RALYL: variants seen among roughly 807,000 people sequenced by gnomAD.
The protein encoded by RALYL is RALY RNA binding protein like.
RALYL carries 29 observed loss-of-function variants against 35.1 expected under a neutral mutation model. The ratio of observed to expected loss-of-function variants is 0.83; its 90% CI spans 0.61 to 1.13. The LOEUF is 1.13. Among genes scored for constraint, RALYL ranks in the 50% most tolerant of loss-of-function variants. The pLI, the probability that RALYL is intolerant of heterozygous loss-of-function variation, is 0.00. For missense variants in RALYL, 359 were observed against 360.4 expected, an observed-to-expected ratio of 1.00 and a Z score of 0.03; for synonymous variants, 120 against 127.6, an observed-to-expected ratio of 0.94 and a Z score of 0.40.
At chr8:84,825,620 C>A (rs1471011549) in intron 4 of RALYL, among the ~76,000 whole-genome samples, 4 of 152,134 alleles carry the variant, frequency 2.6e-5, no homozygotes, top group African/African-American at 9.7e-5. Context: ...ATAATCCCAG[C>A]AATTTGGAAG....
chr8:84,782,024 C>T (rs1157821843), intron 3 of RALYL, among the ~76,000 whole-genome samples: 1 of 84,018 alleles, frequency 1.2e-5, no homozygotes, highest in African/African-American at 5.8e-5. Context: ...ATGCTGTGCA[C>T]ACGCGCGCAC....
At position 84,748,695 on chromosome 8, in the gene RALYL, C is replaced by T. The variant is rs536794470; in HGVS notation, c.257-25884C>T. On this transcript the variant is annotated intron_variant, in intron 2 of 8. Coordinates refer to ENST00000521268, the MANE Select transcript of RALYL (RefSeq NM_173848.7). Reference sequence around the variant, plus strand: ...CTTCAAACTATGCTAATATTTAATCCTTGACCAGAACCTTGGAATCTTATA... The same window carrying T: ...CTTCAAACTATGCTAATATTTAATCTTTGACCAGAACCTTGGAATCTTATA... 1.9e-3 allele frequency among the ~76,000 whole-genome samples: 286 copies of T among 152,082 alleles called. 2 individuals are homozygous for T. The highest frequency in any genetic ancestry group is 6.3e-3 in the African/African-American group (263 of 41,516).
At chr8:84,285,943 C>T (rs188094618) in intron 1 of RALYL, among the ~76,000 whole-genome samples, 187 of 152,150 alleles carry the variant, frequency 1.2e-3, no homozygotes, top group African/African-American at 4.3e-3. Flanking sequence ...TGTTGATGGA[C>T]GCCTTAGGGA....
At chr8:84,247,668 TA>T (rs1003736151) in intron 1 of RALYL, among the ~76,000 whole-genome samples, 3 of 152,182 alleles carry the variant, frequency 2.0e-5, no homozygotes, top group African/African-American at 7.2e-5. Context: ...AATTCTATTC[TA>T]AAAAGAATTT....
At chr8:84,697,160 T>C (rs1475435466) in intron 2 of RALYL, among the ~76,000 whole-genome samples, 1 of 151,960 alleles carries the variant, frequency 6.6e-6, no homozygotes. Context: ...TTGGAAATAA[T>C]TAGAAATTTT....
At chr8:84,306,616 G>C (rs1020541469) in intron 1 of RALYL, among the ~76,000 whole-genome samples, 14 of 152,108 alleles carry the variant, frequency 9.2e-5, no homozygotes, top group Non-Finnish European at 4.4e-5. Flanking sequence ...ACTCATGCAT[G>C]GACACAAATG....
intron 2 of RALYL, among the ~76,000 whole-genome samples, chr8:84,548,162 C>CT (rs1454571912): frequency 1.5e-4 from 22 of 151,312 alleles, no homozygotes; most frequent in African/African-American, 4.9e-4. Context: ...TTCTCAAATC[C>CT]TTTTTATCTT....
intron 1 of RALYL, among the ~76,000 whole-genome samples, chr8:84,437,216 T>A (rs2047832978): frequency 6.6e-6 from 1 of 152,176 alleles, no homozygotes; most frequent in Non-Finnish European, 1.5e-5. Context: ...TTTTTATAGC[T>A]GTGTAGCATT....
At chr8:84,812,614 T>G (rs1481269363) in intron 4 of RALYL, among the ~76,000 whole-genome samples, 5 of 152,016 alleles carry the variant, frequency 3.3e-5, no homozygotes, top group Non-Finnish European at 5.9e-5. Context: ...GTGGCTGCTG[T>G]GGGGGACGGA....
In RALYL at chr8:84,523,474, GT is replaced by G. The variant is rs1222300478; in HGVS notation, c.-23-5819del. ...CAAGGACAATCCATATCACCTGGGT[GT>G]TTTTTGATATTTCTGTTGTTGTTTT... On this transcript the variant is annotated intron_variant, in intron 1 of 8. Transcript: ENST00000521268. 2.6e-5 allele frequency among the ~76,000 whole-genome samples: 4 copies of G among 151,880 alleles called. No individual in the cohort carries two copies. In the East Asian group the frequency reaches 7.7e-4, roughly 29 times the overall value.
chr8:84,677,879 G>A (rs1040553000), intron 2 of RALYL, among the ~76,000 whole-genome samples: 6 of 152,054 alleles, frequency 3.9e-5, no homozygotes, highest in Non-Finnish European at 8.8e-5. Context: ...ACCTCAGATA[G>A]CATTTTTCAA....
At chr8:84,385,827 G>A (rs1444431240) in intron 1 of RALYL, among the ~76,000 whole-genome samples, 1 of 151,782 alleles carries the variant, frequency 6.6e-6, no homozygotes, top group Non-Finnish European at 1.5e-5. Context: ...CCTTAACTTG[G>A]CCATTCACCT....
At chr8:84,471,633 A>C (rs552893585) in intron 1 of RALYL, among the ~76,000 whole-genome samples, 174 of 152,314 alleles carry the variant, frequency 1.1e-3, no homozygotes, top group South Asian at 1.9e-3. Context: ...ATTGTATAAC[A>C]GTCAACATTG....
At chr8:84,729,418 A>G (rs557398904) in intron 2 of RALYL, among the ~76,000 whole-genome samples, 2 of 152,102 alleles carry the variant, frequency 1.3e-5, no homozygotes, top group Non-Finnish European at 2.9e-5. Context: ...CTTAATGCCC[A>G]CAGGAGAAAG....
intron 2 of RALYL, among the ~76,000 whole-genome samples, chr8:84,752,584 G>C (rs1009558135): frequency 2.0e-5 from 3 of 152,104 alleles, no homozygotes; most frequent in Non-Finnish European, 2.9e-5. Flanking sequence ...CACTAGGGAG[G>C]AGGTAAACAT....
chr8:84,856,074 A>G (rs577781734), intron 5 of RALYL, among the ~76,000 whole-genome samples: 1 of 152,334 alleles, frequency 6.6e-6, no homozygotes, highest in African/African-American at 2.4e-5. Context: ...TTGTTATGCA[A>G]ATTTGAACTA....
intron 1 of RALYL, among the ~76,000 whole-genome samples, chr8:84,202,857 A>G (rs1196924359): frequency 1.3e-5 from 2 of 152,138 alleles, no homozygotes; most frequent in Non-Finnish European, 2.9e-5. Context: ...TACTATAATG[A>G]TTTCTTAATA....
intron 2 of RALYL, among the ~76,000 whole-genome samples, chr8:84,720,516 G>A (rs1339985581): frequency 6.6e-6 from 1 of 152,016 alleles, no homozygotes. Context: ...ATGTATTAAA[G>A]ACTTATGTAC....
intron 4 of RALYL, among the ~76,000 whole-genome samples, chr8:84,849,670 T>C (rs1416796105): frequency 6.6e-6 from 1 of 151,956 alleles, no homozygotes; most frequent in Non-Finnish European, 1.5e-5. Flanking sequence ...GCCATTCTCC[T>C]GCCTCAGCCT....
Sources: gnomAD v4.1 joint callset for allele counts (sites outside exome capture counted in the v4.1 genomes callset) on GRCh38, gnomAD v4.1.1 for gene constraint, MANE v1.5 for transcripts, NCBI Gene and HGNC (gene_info 2026-07-23, HGNC 2026-07-21) for gene names.